DPP10: variants seen among roughly 807,000 people sequenced by gnomAD.
DPP10 encodes inactive dipeptidyl peptidase 10.
Under a neutral mutation model 120.9 loss-of-function variants are expected in DPP10, and 33 were observed. That is an observed-to-expected ratio of 0.27 (90% confidence interval 0.21 to 0.37). DPP10 has a LOEUF of 0.37. Ranked by LOEUF, DPP10 falls within the 10% of genes least tolerant of loss-of-function variation. The pLI is 1.00. For missense variants in DPP10, 816 were observed against 942.8 expected, an observed-to-expected ratio of 0.87 and a Z score of 1.76; for synonymous variants, 337 against 326.1, an observed-to-expected ratio of 1.03 and a Z score of -0.36.
intron 4 of DPP10, among the ~76,000 whole-genome samples, chr2:115,517,627 C>A: frequency 6.6e-6 from 1 of 152,110 alleles, no homozygotes; most frequent in East Asian, 1.9e-4. Flanking sequence ...ACATATATTA[C>A]CATATATTTA....
intron 3 of DPP10, among the ~76,000 whole-genome samples, chr2:115,447,308 G>C (rs905254456): frequency 5.3e-5 from 8 of 152,130 alleles, no homozygotes; most frequent in African/African-American, 1.9e-4. Context: ...ACTGGTTTTT[G>C]ATTTTACATG....
chr2:115,719,447 T>A (rs2092588255), intron 7 of DPP10, among the ~76,000 whole-genome samples: 1 of 152,180 alleles, frequency 6.6e-6, no homozygotes, highest in South Asian at 2.1e-4. Context: ...ATGAGTGATT[T>A]GAATGAGTTG....
Position 114,877,546 on chromosome 2 carries a change from G to A in DPP10, c.61-431693G>A, listed in dbSNP as rs748910089. On this transcript the variant is annotated intron_variant, in intron 1 of 25. Coordinates refer to ENST00000410059, the MANE Select transcript of DPP10 (RefSeq NM_020868.6). ...TAGAAATCCCACAGACCATAGATCCGCTGGAATTCTGTGCTCATTGTTTAT... is the reference window on the plus strand; with the variant it reads ...TAGAAATCCCACAGACCATAGATCCACTGGAATTCTGTGCTCATTGTTTAT... Among the ~76,000 whole-genome samples the A allele has an allele frequency of 5.3e-5, 8 of 151,984 alleles. No homozygotes were observed. In the East Asian group the frequency reaches 5.8e-4, roughly 11 times the overall value.
intron 3 of DPP10, among the ~76,000 whole-genome samples, chr2:115,366,669 A>C (rs183302604): frequency 8.5e-5 from 13 of 152,186 alleles, no homozygotes; most frequent in Non-Finnish European, 1.0e-4. Flanking sequence ...AGGTCTGTCT[A>C]TCTAGACTCA....
intron 1 of DPP10, among the ~76,000 whole-genome samples, chr2:115,291,700 G>A (rs961869620): frequency 6.6e-6 from 1 of 152,018 alleles, no homozygotes; most frequent in African/African-American, 2.4e-5. Context: ...AAACTTTTGG[G>A]AATTATATAT....
At chr2:115,564,317 G>C (rs575534398) in intron 5 of DPP10, among the ~76,000 whole-genome samples, 23 of 147,934 alleles carry the variant, frequency 1.6e-4, no homozygotes, top group Admixed American at 1.3e-3. Flanking sequence ...TACTTGCTCA[G>C]GTAAAAAAGT....
intron 1 of DPP10, among the ~76,000 whole-genome samples, chr2:114,990,869 G>C (rs1390357857): frequency 1.3e-5 from 2 of 152,068 alleles, no homozygotes; most frequent in Non-Finnish European, 1.5e-5. Flanking sequence ...TTTCATTGCT[G>C]TCTCTCTTGC....
In DPP10 at chr2:114,809,459, G is replaced by A. The variant is rs184335597; in HGVS notation, c.60+366621G>A. On this transcript the variant is annotated intron_variant, in intron 1 of 25. Transcript: ENST00000410059. ...TTAACTCTCATATTTTTGAAGCTTC[G>A]ATAAAAGTAGTCGATGCTGGAAAAC... Among the ~76,000 whole-genome samples, 183 of 152,258 alleles carry A rather than the reference G, an allele frequency of 1.2e-3. 1 individual carries two copies. Among genetic ancestry groups the A allele is most frequent in the African/African-American group, 3.9e-3 (163 of 41,536 alleles).
chr2:114,457,309 T>C (rs576416365), intron 1 of DPP10, among the ~76,000 whole-genome samples: 1 of 152,314 alleles, frequency 6.6e-6, no homozygotes, highest in East Asian at 1.9e-4. Context: ...TCGTAGGATG[T>C]CTGGCAGCAT....
At chr2:115,343,698 C>A in intron 2 of DPP10, 119 bp from the exon 3 acceptor site, 1 of 497,542 alleles carries the variant, frequency 2.0e-6, no homozygotes, top group Non-Finnish European at 3.5e-6. Context: ...TCAAAATGGT[C>A]ACTTTATATT....
intron 1 of DPP10, among the ~76,000 whole-genome samples, chr2:115,089,710 G>A (rs537332948): frequency 6.6e-6 from 1 of 152,276 alleles, no homozygotes; most frequent in South Asian, 2.1e-4. Flanking sequence ...TTTTGGAAAA[G>A]TGCCCGATTT....
chr2:115,337,784 A>G (rs563058778), intron 2 of DPP10, among the ~76,000 whole-genome samples: 2 of 151,922 alleles, frequency 1.3e-5, no homozygotes, highest in East Asian at 3.9e-4. Context: ...GGAATGAAAA[A>G]TTCAAGAGAC....
At chr2:115,651,844 G>A (rs1444952556) in intron 5 of DPP10, among the ~76,000 whole-genome samples, 2 of 152,054 alleles carry the variant, frequency 1.3e-5, no homozygotes, top group African/African-American at 4.8e-5. Context: ...TTTACCAACA[G>A]TGACATGCTT....
rs181163947 is a variant in DPP10 at position 114,704,700 on chromosome 2, T to C, written c.60+261862T>C. Among the ~76,000 whole-genome samples the C allele has an allele frequency of 2.6e-5, 4 of 152,284 alleles. No individual in the cohort carries two copies. In the East Asian group the frequency reaches 5.8e-4, roughly 22 times the overall value. ...AGGTGCATATGATAGATTTCAAATGTGAAGTATACCTACAGGGTGAGAAAT... is the reference window on the plus strand; with the variant it reads ...AGGTGCATATGATAGATTTCAAATGCGAAGTATACCTACAGGGTGAGAAAT... On this transcript the variant is annotated intron_variant, in intron 1 of 25. Coordinates refer to ENST00000410059, the MANE Select transcript of DPP10 (RefSeq NM_020868.6).
At chr2:114,571,327 C>T (rs891830564) in intron 1 of DPP10, among the ~76,000 whole-genome samples, 1 of 152,074 alleles carries the variant, frequency 6.6e-6, no homozygotes, top group Non-Finnish European at 1.5e-5. Flanking sequence ...TCCTCCTGCT[C>T]CTGCCGTGTG....
chr2:114,591,554 A>ATTTTTTTTTTTTTTTT lies in DPP10; in HGVS notation c.60+148719_60+148734dup, dbSNP rs70937292. On this transcript the variant is annotated intron_variant, in intron 1 of 25. Transcript: ENST00000410059. ...CTCAGAATGTACCCAACCTCTTCCT[A>ATTTTTTTTTTTTTTTT]TTTTTTTTTTTTTTTTTTGAGATGG... Among the ~76,000 whole-genome samples, 5 of 124,568 alleles carry ATTTTTTTTTTTTTTTT rather than the reference A, an allele frequency of 4.0e-5. 1 individual carries two copies. The highest frequency in any genetic ancestry group is 1.3e-4 in the African/African-American group (4 of 31,664). The allele number at this position is 124,568 out of a possible 152,430, so 81.7% of individuals were successfully genotyped here. A position where few individuals can be genotyped will look rare whatever the true frequency, so the allele number is the denominator to read the frequency against.
intron 1 of DPP10, among the ~76,000 whole-genome samples, chr2:115,004,367 A>G (rs1439770020): frequency 6.6e-6 from 1 of 152,232 alleles, no homozygotes; most frequent in Non-Finnish European, 1.5e-5. Context: ...GGGAGGAGCC[A>G]AGATGGCCGA....
intron 1 of DPP10, among the ~76,000 whole-genome samples, chr2:115,236,262 G>A (rs993182020): frequency 4.6e-5 from 7 of 152,192 alleles, no homozygotes; most frequent in African/African-American, 1.2e-4. Flanking sequence ...CTAACGTCAC[G>A]TTGGTGAAGA....
chr2:114,946,200 A>G (rs896905576), intron 1 of DPP10, among the ~76,000 whole-genome samples: 1 of 152,212 alleles, frequency 6.6e-6, no homozygotes, highest in African/African-American at 2.4e-5. Context: ...ACAATAGCCT[A>G]TTGATATTAT....
Sources: allele counts gnomAD v4.1 joint callset (sites outside exome capture counted in the v4.1 genomes callset), GRCh38; gene constraint gnomAD v4.1.1; transcripts MANE v1.5; gene names NCBI Gene and HGNC (gene_info 2026-07-23, HGNC 2026-07-21).